Variants in ALK observed in about 807,000 individuals in gnomAD.
ALK encodes the protein ALK receptor tyrosine kinase, also known as ALK tyrosine kinase receptor.
ALK carries 74 observed loss-of-function variants against 163.1 expected under a neutral mutation model. The observed-to-expected ratio is 0.45, with a 90% confidence interval of 0.38 to 0.55. The LOEUF is 0.55. ALK is among the 20% of genes least tolerant of loss of function. The probability of loss-of-function intolerance (pLI) is 0.00; values close to 1 mark genes in which losing one functional copy is unlikely to be tolerated. For missense variants in ALK, 2,063 were observed against 2,105.3 expected, an observed-to-expected ratio of 0.98 and a Z score of 0.39; for synonymous variants, 960 against 843.2, an observed-to-expected ratio of 1.14 and a Z score of -2.40.
At chr2:29,316,101 G>A in intron 8 of ALK, among the ~76,000 whole-genome samples, 1 of 152,154 alleles carries the variant, frequency 6.6e-6, no homozygotes, top group East Asian at 1.9e-4. Flanking sequence ...AGCCCGCCCG[G>A]GAGGAGGAAA....
At chr2:29,232,097 ACAAGTC>A (rs1265162659) in intron 15 of ALK, among the ~76,000 whole-genome samples, 1 of 152,148 alleles carries the variant, frequency 6.6e-6, no homozygotes, top group Non-Finnish European at 1.5e-5. Flanking sequence ...GTGACCTTCT[ACAAGTC>A]CAAGCTCCAG....
intron 4 of ALK, among the ~76,000 whole-genome samples, chr2:29,472,306 T>G (rs1313445716): frequency 1.3e-5 from 2 of 152,234 alleles, no homozygotes; most frequent in Non-Finnish European, 2.9e-5. Context: ...GGGGCAAGCC[T>G]TTCTTACTGT....
intron 3 of ALK, among the ~76,000 whole-genome samples, chr2:29,602,430 G>A (rs968534571): frequency 1.3e-5 from 2 of 152,162 alleles, no homozygotes; most frequent in Non-Finnish European, 2.9e-5. Context: ...GACATGAGTA[G>A]GGCTGATCTG....
chr2:29,685,782 G>C (rs1291764669), intron 3 of ALK, among the ~76,000 whole-genome samples: 1 of 152,202 alleles, frequency 6.6e-6, no homozygotes, highest in African/African-American at 2.4e-5. Context: ...GGTTCTGCAG[G>C]TAAGAAGTCT....
chr2:29,776,264 C>G (rs1374126243), intron 1 of ALK, among the ~76,000 whole-genome samples: 1 of 148,814 alleles, frequency 6.7e-6, no homozygotes, highest in Non-Finnish European at 1.5e-5. Context: ...GCTTCTTACT[C>G]CCACAAGACA....
intron 1 of ALK, among the ~76,000 whole-genome samples, chr2:29,733,610 C>T (rs917602746): frequency 6.6e-6 from 1 of 152,172 alleles, no homozygotes; most frequent in African/African-American, 2.4e-5. Flanking sequence ...AAGCACTTAG[C>T]ACAATGCCTA....
intron 5 of ALK, among the ~76,000 whole-genome samples, chr2:29,369,972 C>T (rs1212959013): frequency 6.6e-6 from 1 of 152,094 alleles, no homozygotes; most frequent in Non-Finnish European, 1.5e-5. Context: ...AGAAGACAGC[C>T]CTCGTGCATT....
At chr2:29,772,543 C>T (rs931743597) in intron 1 of ALK, among the ~76,000 whole-genome samples, 1 of 152,158 alleles carries the variant, frequency 6.6e-6, no homozygotes, top group African/African-American at 2.4e-5. Context: ...CACACTTCCT[C>T]ACCATAGTGG....
chr2:29,402,445 G>C (rs1669471225), intron 4 of ALK, among the ~76,000 whole-genome samples: 1 of 152,230 alleles, frequency 6.6e-6, no homozygotes. Context: ...CTCTTCACTG[G>C]CTGGCTGTGG....
intron 11 of ALK, among the ~76,000 whole-genome samples, chr2:29,268,160 A>C (rs1665267729): frequency 6.6e-6 from 1 of 151,982 alleles, no homozygotes; most frequent in Non-Finnish European, 1.5e-5. Context: ...TCCAACCCCC[A>C]CCTAGCATTA....
rs140242819 is a variant in ALK at position 29,715,397 on chromosome 2, G to C, written c.787+2181C>G. Reference sequence around the variant, plus strand: ...AGGAGGAGAGTTTGAAAGAGATCTTGAAAAACCTCCAGATCGATTCCTTTG... The same window carrying C: ...AGGAGGAGAGTTTGAAAGAGATCTTCAAAAACCTCCAGATCGATTCCTTTG... On this transcript the variant is annotated intron_variant, in intron 2 of 28. Transcript: ENST00000389048. 8.1e-3 allele frequency among the ~76,000 whole-genome samples: 1,234 copies of C among 152,298 alleles called. 15 individuals carry two copies. The highest frequency in any genetic ancestry group is 0.044 in the South Asian group (214 of 4,822).
chr2:29,768,745 A>ATATATATG (rs1680935108), intron 1 of ALK, among the ~76,000 whole-genome samples: 1 of 103,114 alleles, frequency 9.7e-6, no homozygotes, highest in Non-Finnish European at 2.3e-5. Flanking sequence ...GTGTGTGTGT[A>ATATATATG]TATATGTATA....
chr2:29,511,442 A>G (rs1672513359), intron 4 of ALK, among the ~76,000 whole-genome samples: 1 of 152,170 alleles, frequency 6.6e-6, no homozygotes, highest in Non-Finnish European at 1.5e-5. Flanking sequence ...TAATTTTGAG[A>G]TTCATCCATG....
intron 5 of ALK, among the ~76,000 whole-genome samples, chr2:29,351,786 C>A (rs1266828799): frequency 2.0e-5 from 3 of 150,060 alleles, no homozygotes; most frequent in Non-Finnish European, 4.4e-5. Context: ...AGAGGCAGAC[C>A]CAGACTCCTA....
intron 3 of ALK, among the ~76,000 whole-genome samples, chr2:29,671,314 C>T (rs1677680294): frequency 6.6e-6 from 1 of 152,020 alleles, no homozygotes; most frequent in Admixed American, 6.6e-5. Context: ...GGCTGGCTAG[C>T]AGTTTGTGCC....
At chr2:29,520,094 G>A (rs1652159902) in intron 4 of ALK, among the ~76,000 whole-genome samples, 1 of 152,152 alleles carries the variant, frequency 6.6e-6, no homozygotes, top group African/African-American at 2.4e-5. Flanking sequence ...GGAAATTAGA[G>A]GAACTAAAAG....
chr2:29,417,945 T>A (rs961942760), intron 4 of ALK, among the ~76,000 whole-genome samples: 2 of 152,258 alleles, frequency 1.3e-5, no homozygotes, highest in African/African-American at 4.8e-5. Flanking sequence ...ATCATAGTTA[T>A]TTTCTGCGAA....
intron 1 of ALK, among the ~76,000 whole-genome samples, chr2:29,803,560 G>T (rs1017883417): frequency 2.0e-5 from 3 of 152,172 alleles, no homozygotes; most frequent in African/African-American, 7.2e-5. Context: ...GGCTGTCAGG[G>T]TGCTGGTCTT....
Position 29,285,469 on chromosome 2 carries a change from CAT to C in ALK, c.1818-9975_1818-9974del, listed in dbSNP as rs1457167716. Among the ~76,000 whole-genome samples the C allele has an allele frequency of 9.2e-5, 14 of 151,938 alleles. 1 individual carries two copies. The highest frequency in any genetic ancestry group is 9.2e-4 in the Admixed American group (14 of 15,270). ...TTTCACTATGTTGGCCAGGAGCCAA[CAT>C]ATGTCTTGAGCTTCTGGCCTCAAGT... is the stretch of plus-strand genomic sequence containing the variant. On this transcript the variant is annotated intron_variant, in intron 9 of 28. Transcript: ENST00000389048.
Sources: gnomAD v4.1 joint callset for allele counts (sites outside exome capture counted in the v4.1 genomes callset) on GRCh38, gnomAD v4.1.1 for gene constraint, MANE v1.5 for transcripts, NCBI Gene and HGNC (gene_info 2026-07-23, HGNC 2026-07-21) for gene names.